The following DST variants were observed in gnomAD, a reference collection of about 807,000 sequenced individuals.
DST encodes the protein dystonin.
A neutral mutation model predicts 875.2 loss-of-function variants in DST; 253 were observed. That is an observed-to-expected ratio of 0.29 (90% CI 0.26 to 0.32). The LOEUF (loss-of-function observed/expected upper bound fraction) is 0.32, where lower values mean the gene tolerates loss of function less well. Ranked by LOEUF, DST falls within the 10% of genes least tolerant of loss-of-function variation. The pLI is 1.00. For synonymous variants in DST, 3,124 were observed against 3,197.1 expected, an observed-to-expected ratio of 0.98 and a Z score of 0.77; for missense variants, 8,287 against 9,111.6, an observed-to-expected ratio of 0.91 and a Z score of 3.68.
intron 9 of DST, chr6:56,692,661 G>C (rs1362918624): frequency 7.8e-7 from 1 of 1,289,624 alleles, no homozygotes; most frequent in Non-Finnish European, 1.0e-6. Flanking sequence ...CGCTTGTGTT[G>C]ACATCATCTA....
chr6:56,605,104 T>G lies in DST; in HGVS notation c.9524A>C (p.Glu3175Ala). The change falls in exon 40 of 104, where the codon GAG becomes GCG. Residue 3175 changes from glutamate (E) to alanine (A), a missense_variant. By Grantham distance (107) the Glu-to-Ala change is moderately radical (BLOSUM62 -1). Around this residue, in one of 10 missense-constraint regions of DST, gnomAD observed 3,138 missense variants for 3,116.6 expected, o/e 1.01. Transcript: ENST00000680361. ...HFEESFTDGP[E>A]KELDLFTYLK... ...GTAAGTAAACAGATCAAGCTCTTTC[T>G]CAGGTCCATCAGTGAATGACTCCTC... The G allele has an allele frequency of 6.2e-7, 1 of 1,612,782 alleles. No homozygotes were observed. The highest frequency in any genetic ancestry group is 8.5e-7 in the Non-Finnish European group (1 of 1,179,330).
At chr6:56,903,435 G>T (rs1795014640) in intron 2 of DST, among the ~76,000 whole-genome samples, 1 of 152,134 alleles carries the variant, frequency 6.6e-6, no homozygotes, top group South Asian at 2.1e-4. Flanking sequence ...TGCCCAGTAA[G>T]ATATTCAATG....
intron 49 of DST, among the ~76,000 whole-genome samples, chr6:56,586,534 T>C: frequency 6.6e-6 from 1 of 151,964 alleles, no homozygotes; most frequent in Admixed American, 6.6e-5. Context: ...CACTGATGGG[T>C]CTTGACTCTT....
At chr6:56,475,615 G>A (rs918331487) in intron 92 of DST, among the ~76,000 whole-genome samples, 3 of 152,122 alleles carry the variant, frequency 2.0e-5, no homozygotes, top group African/African-American at 7.2e-5. Context: ...AAGACAACAC[G>A]TTCCCTTTTT....
intron 75 of DST, among the ~76,000 whole-genome samples, chr6:56,507,744 T>C (rs1352097028): frequency 3.3e-5 from 5 of 151,986 alleles, no homozygotes; most frequent in Non-Finnish European, 2.9e-5. Flanking sequence ...AAACATAACT[T>C]TGGAAACATA....
intron 36 of DST, chr6:56,619,611 A>T (rs746208779): frequency 6.2e-7 from 1 of 1,613,848 alleles, no homozygotes. Context: ...TGATTAAGAG[A>T]TTCTAATTCT....
intron 4 of DST, among the ~76,000 whole-genome samples, chr6:56,792,822 C>T (rs1380758261): frequency 6.6e-6 from 1 of 152,120 alleles, no homozygotes; most frequent in Non-Finnish European, 1.5e-5. Context: ...AGCCCCATCA[C>T]TTTGGGAGGC....
intron 5 of DST, among the ~76,000 whole-genome samples, chr6:56,727,320 C>T (rs1226886227): frequency 1.3e-5 from 2 of 152,106 alleles, no homozygotes; most frequent in African/African-American, 4.8e-5. Flanking sequence ...TAGCTGTGCC[C>T]GGACCACGTT....
chr6:56,846,123 G>A (rs1022239278), intron 4 of DST, among the ~76,000 whole-genome samples: 1 of 152,178 alleles, frequency 6.6e-6, no homozygotes, highest in Non-Finnish European at 1.5e-5. Flanking sequence ...TGGGGTTCTT[G>A]GGAGGTCTAA....
intron 4 of DST, among the ~76,000 whole-genome samples, chr6:56,780,529 G>C (rs1246469309): frequency 6.6e-6 from 1 of 152,008 alleles, no homozygotes; most frequent in African/African-American, 2.4e-5. Flanking sequence ...GTCTTCTTTT[G>C]AGAAGTGTCT....
Position 56,485,372 on chromosome 6 carries a change from T to C in DST, c.21147A>G (p.Ala7049=), listed in dbSNP as rs751368853. The C allele has an allele frequency of 1.9e-6, 3 of 1,613,912 alleles. No homozygotes were observed. In the South Asian group the frequency reaches 3.3e-5, roughly 18 times the overall value. Residue 7049 remains alanine (A), a synonymous_variant, in exon 88 of 104, where the codon GCA becomes GCG. Coordinates refer to ENST00000680361, the MANE Select transcript of DST (RefSeq NM_001374736.1). ...TGTCTCCATGAACAGGCTGGTCTTC[T>C]GCCAGCTGGGGTTCAACTCTATATA... ...DWLYRVEPQL[A]EDQPVHGDID...
At chr6:56,682,819 A>G (rs1297394514) in intron 9 of DST, among the ~76,000 whole-genome samples, 3 of 152,224 alleles carry the variant, frequency 2.0e-5, no homozygotes, top group Admixed American at 6.5e-5. Flanking sequence ...TGTGAGCCAC[A>G]GTCTCAAAAA....
chr6:56,646,603 C>T (rs1296446134), intron 13 of DST, among the ~76,000 whole-genome samples: 1 of 151,372 alleles, frequency 6.6e-6, no homozygotes. Context: ...TCTTCTATTG[C>T]ATGGTTCTAT....
Position 56,609,453 on chromosome 6 carries a change from T to A in DST, c.5284-109A>T, listed in dbSNP as rs1419526425. 8 of 793,974 alleles carry A rather than the reference T, an allele frequency of 1.0e-5. No homozygotes were observed. The East Asian group carries it at 1.7e-4, about 17-fold the overall frequency. The allele number at this position is 793,974 out of a possible 1,614,324, so 49.2% of individuals were successfully genotyped here. A position where few individuals can be genotyped will look rare whatever the true frequency, so the allele number is the denominator to read the frequency against. On this transcript the variant is annotated intron_variant, in intron 39 of 103. Coordinates refer to ENST00000680361, the MANE Select transcript of DST (RefSeq NM_001374736.1). ...TAAATAATACATTTCAACATAAAAA[T>A]CCTCTACTTACCAAGGCGCAGCAAT...
chr6:56,691,551 A>G (rs1333113068), intron 9 of DST, among the ~76,000 whole-genome samples: 2 of 152,216 alleles, frequency 1.3e-5, no homozygotes, highest in East Asian at 3.8e-4. Context: ...ATTAAAAGAT[A>G]AAGTTAGGAA....
Position 56,608,847 on chromosome 6 carries a change from C to T in DST, c.5781G>A (p.Glu1927=), listed in dbSNP as rs757476314. The T allele has an allele frequency of 1.2e-6, 2 of 1,613,062 alleles. No individual in the cohort carries two copies. Among genetic ancestry groups the T allele is most frequent in the Non-Finnish European group, 1.7e-6 (2 of 1,179,436 alleles). The change falls in exon 40 of 104, where the codon GAG becomes GAA. Residue 1927 remains glutamate (E), a synonymous_variant. Transcript: ENST00000680361. The part of the protein sequence containing the change: ...CKDLIDPCTS[E]KVSLIDMVQR... ...GTACCATATCTATTAAAGAAACCTT[C>T]TCAGAGGTGCAGGGGTCAATAAGAT...
chr6:56,630,742 T>A (rs946394269), intron 30 of DST, among the ~76,000 whole-genome samples: 20 of 151,946 alleles, frequency 1.3e-4, no homozygotes, highest in African/African-American at 4.6e-4. Context: ...ACATCCACTA[T>A]CAACATAGAG....
chr6:56,482,816 C>T lies in DST; in HGVS notation c.21269G>A (p.Arg7090Gln), dbSNP rs377289456. 19 of 1,613,200 alleles carry T rather than the reference C, an allele frequency of 1.2e-5. No homozygotes were observed. Among genetic ancestry groups the T allele is most frequent in the Middle Eastern group, 1.6e-4 (1 of 6,082 alleles). The change falls in exon 89 of 104, where the codon CGA becomes CAA. Residue 7090 changes from arginine (R) to glutamine (Q), a missense_variant. Arg to Gln is a conservative substitution (Grantham distance 43). Coordinates refer to ENST00000680361, the MANE Select transcript of DST (RefSeq NM_001374736.1). ...ATCCCGACTGCCTTCTATGAGTTCTCGGGCTGAGCGCTTCAGGGCCTGCAC... is the reference window on the plus strand; with the variant it reads ...ATCCCGACTGCCTTCTATGAGTTCTTGGGCTGAGCGCTTCAGGGCCTGCAC... Reference protein sequence around the residue: ...SSVQALKRSARELIEGSRDDS... With the variant: ...SSVQALKRSAQELIEGSRDDS...
intron 2 of DST, among the ~76,000 whole-genome samples, chr6:56,904,898 T>C (rs968259044): frequency 6.6e-6 from 1 of 152,222 alleles, no homozygotes; most frequent in African/African-American, 2.4e-5. Flanking sequence ...CAAGTGATTC[T>C]CCTGCCTCAG....
Sources: allele counts gnomAD v4.1 joint callset (sites outside exome capture counted in the v4.1 genomes callset), GRCh38; gene constraint gnomAD v4.1.1; regional missense constraint gnomAD v4.1.1; transcripts MANE v1.5; gene names NCBI Gene and HGNC (gene_info 2026-07-23, HGNC 2026-07-21).